ABHD12: variants seen among roughly 807,000 people sequenced by gnomAD.
The protein encoded by ABHD12 is lysophosphatidylserine lipase ABHD12.
In ABHD12, 43 loss-of-function variants were observed where a neutral mutation model predicts 58.3. The ratio of observed to expected loss-of-function variants is 0.74; its 90% CI spans 0.58 to 0.95. ABHD12 has a LOEUF of 0.95. Ranked by LOEUF, ABHD12 falls within the 40% of genes least tolerant of loss-of-function variation. The pLI, the probability that ABHD12 is intolerant of heterozygous loss-of-function variation, is 0.00. For missense variants in ABHD12, 539 were observed against 537.2 expected (o/e 1.00, Z -0.03); for synonymous variants, 219 against 211.2 (o/e 1.04, Z -0.32).
At position 25,302,703 on chromosome 20, in the gene ABHD12, T is replaced by A. The variant is rs189927946; in HGVS notation, c.1030-357A>T. Among the ~76,000 whole-genome samples, 389 of 152,312 alleles carry A rather than the reference T, an allele frequency of 2.6e-3. 10 individuals are homozygous for A. The East Asian group carries it at 0.044, about 17-fold the overall frequency. Reference sequence around the variant, plus strand: ...AAAAGGTATGTGCCTCAGGCTTAGCTAAGATGGGCTTGATGTACCCATCTC... The same window carrying A: ...AAAAGGTATGTGCCTCAGGCTTAGCAAAGATGGGCTTGATGTACCCATCTC... On this transcript the variant is annotated intron_variant, in intron 11 of 12. Coordinates refer to ENST00000339157, the MANE Select transcript of ABHD12 (RefSeq NM_001042472.3).
rs1468289559 is a variant in ABHD12, at chr20:25,388,018, G to A, written c.191+2495C>T. Among the ~76,000 whole-genome samples the A allele has an allele frequency of 9.4e-5, 12 of 127,128 alleles. No homozygotes were observed. The East Asian group carries it at 1.8e-3, about 19-fold the overall frequency. 83.4% of individuals were successfully genotyped at this position (127,128 alleles called of 152,430 possible). A position where few individuals can be genotyped will look rare whatever the true frequency, so the allele number is the denominator to read the frequency against. ...ATTGCCACTGCACTCCAGCCTGGGCGACAAAGCGAGACTCCTTCTCAAAAA... is the reference window on the plus strand; with the variant it reads ...ATTGCCACTGCACTCCAGCCTGGGCAACAAAGCGAGACTCCTTCTCAAAAA... On this transcript the variant is annotated intron_variant, in intron 1 of 12. Coordinates refer to ENST00000339157, the MANE Select transcript of ABHD12 (RefSeq NM_001042472.3).
intron 2 of ABHD12, among the ~76,000 whole-genome samples, chr20:25,335,520 C>A (rs373409239): frequency 1.5e-5 from 2 of 131,564 alleles, no homozygotes; most frequent in Admixed American, 1.6e-4. Context: ...ATGTTTATTG[C>A]GGCATTATTC....
Position 25,339,255 on chromosome 20 carries a change from T to TATTC in ABHD12, c.284_287dup (p.Ile96MetfsTer19), listed in dbSNP as rs1307430368. 4 of 1,614,058 alleles carry TATTC rather than the reference T, an allele frequency of 2.5e-6. No individual in the cohort carries two copies. The Admixed American group carries it at 6.7e-5, about 27-fold the overall frequency. Reference sequence around the variant, plus strand: ...AATTCAAGAAAATCAGTTTGGCCTGTATTCCAGGACATAGTTTGATGAGAA... The same window carrying TATTC: ...AATTCAAGAAAATCAGTTTGGCCTGTATTCATTCCAGGACATAGTTTGATGAGAA... On this transcript the variant is annotated frameshift_variant, in exon 2 of 13. Transcript: ENST00000339157. LOFTEE classifies it high-confidence loss of function.
At chr20:25,298,877 A>T (rs1476986020), downstream of ABHD12, among the ~76,000 whole-genome samples, 1 of 152,088 alleles carries the variant, frequency 6.6e-6, no homozygotes, top group African/African-American at 2.4e-5. Context: ...GGTTGTCCTC[A>T]TCCCCACACC....
At chr20:25,316,977 G>T (rs766348551) in intron 5 of ABHD12, 71 bp downstream of exon 5, 1 of 1,350,318 alleles carries the variant, frequency 7.4e-7, no homozygotes, top group Non-Finnish European at 1.1e-6. Context: ...CTGTGAGTCT[G>T]GTGACTCCCT....
intron 12 of ABHD12, among the ~76,000 whole-genome samples, chr20:25,301,810 G>A (rs2088639989): frequency 6.6e-6 from 1 of 152,268 alleles, no homozygotes; most frequent in Admixed American, 6.5e-5. Context: ...GCAGTCAGGA[G>A]CACCACGTCC....
intron 11 of ABHD12, chr20:25,303,320 A>T: frequency 1.4e-6 from 2 of 1,424,194 alleles, no homozygotes; most frequent in Non-Finnish European, 1.8e-6. Flanking sequence ...AGACAGCATC[A>T]GTGGGCCCCT....
intron 1 of ABHD12, chr20:25,368,404 C>G: frequency 6.3e-7 from 1 of 1,596,018 alleles, no homozygotes; most frequent in African/African-American, 1.3e-5. Flanking sequence ...GCTTGCCATC[C>G]AACCACTCAG....
At position 25,390,564 on chromosome 20, in the gene ABHD12, G is replaced by A; in HGVS notation, c.140C>T (p.Ala47Val). The A allele has an allele frequency of 1.4e-6, 2 of 1,456,998 alleles. No individual in the cohort carries two copies. Among genetic ancestry groups the A allele is most frequent in the Non-Finnish European group, 1.8e-6 (2 of 1,109,406 alleles). The allele number at this position is 1,456,998 out of a possible 1,614,324, so 90.3% of individuals were successfully genotyped here. The change falls in exon 1 of 13, where the codon GCG becomes GTG. Residue 47 changes from alanine (A) to valine (V), a missense_variant. Coordinates refer to ENST00000339157, the MANE Select transcript of ABHD12 (RefSeq NM_001042472.3). ...KQNLRLTGPA[A>V]AEPRCAADAG... Reference sequence around the variant, plus strand: ...GTCGGCTGCGCAGCGCGGCTCAGCCGCCGCCGGGCCCGTCAGGCGTAGGTT... The same window carrying A: ...GTCGGCTGCGCAGCGCGGCTCAGCCACCGCCGGGCCCGTCAGGCGTAGGTT...
intron 2 of ABHD12, among the ~76,000 whole-genome samples, chr20:25,336,856 T>C (rs4815405): frequency 0.55 from 83,590 of 151,546 alleles, 23,609 homozygotes; most frequent in Admixed American, 0.62. Flanking sequence ...AGGAGTGGGG[T>C]GTGGGGGCCA....
chr20:25,333,815 A>G (rs548912397), intron 2 of ABHD12, among the ~76,000 whole-genome samples: 2 of 152,010 alleles, frequency 1.3e-5, no homozygotes, highest in Non-Finnish European at 1.5e-5. Flanking sequence ...TCTCAAAATA[A>G]TAAGAGCTAT....
intron 1 of ABHD12, among the ~76,000 whole-genome samples, chr20:25,354,287 C>G (rs143149596): frequency 6.6e-6 from 1 of 151,988 alleles, no homozygotes; most frequent in East Asian, 1.9e-4. Context: ...ACAGGTGTAG[C>G]GGCAGAAGAC....
intron 1 of ABHD12, among the ~76,000 whole-genome samples, chr20:25,385,934 T>TA (rs982053071): frequency 8.0e-5 from 12 of 150,776 alleles, no homozygotes; most frequent in African/African-American, 2.2e-4. Flanking sequence ...CCGTCTCTAC[T>TA]AAAAAAAATA....
chr20:25,351,984 T>C (rs565369676), intron 1 of ABHD12, among the ~76,000 whole-genome samples: 19 of 152,326 alleles, frequency 1.2e-4, no homozygotes, highest in African/African-American at 4.3e-4. Context: ...CACATTTGAT[T>C]ATTTTTTATT....
intron 1 of ABHD12, among the ~76,000 whole-genome samples, chr20:25,378,279 G>A (rs1480778764): frequency 6.6e-6 from 1 of 152,184 alleles, no homozygotes; most frequent in Non-Finnish European, 1.5e-5. Context: ...TGGTTGCCAA[G>A]CATAAAACAT....
At chr20:25,355,263 C>T (rs2089651854) in intron 1 of ABHD12, among the ~76,000 whole-genome samples, 1 of 152,120 alleles carries the variant, frequency 6.6e-6, no homozygotes, top group African/African-American at 2.4e-5. Flanking sequence ...CACTTCCATT[C>T]CCTGCTGCTG....
At chr20:25,359,439 A>AAC (rs1415922432) in intron 1 of ABHD12, among the ~76,000 whole-genome samples, 3 of 143,406 alleles carry the variant, frequency 2.1e-5, no homozygotes, top group East Asian at 3.9e-4. Context: ...AAAAAAAAAA[A>AAC]AAAAAACATT....
intron 2 of ABHD12, among the ~76,000 whole-genome samples, chr20:25,335,356 G>C (rs1269248138): frequency 6.7e-6 from 1 of 149,774 alleles, no homozygotes; most frequent in Non-Finnish European, 1.5e-5. Context: ...TACACTGTTG[G>C]TGGGACTGTA....
intron 12 of ABHD12, among the ~76,000 whole-genome samples, chr20:25,301,580 T>C (rs1420560780): frequency 2.6e-5 from 4 of 152,220 alleles, no homozygotes; most frequent in Non-Finnish European, 4.4e-5. Context: ...AGCCAGGCAG[T>C]GGGGTGGGGG....
Sources: gnomAD v4.1 joint callset for allele counts (sites outside exome capture counted in the v4.1 genomes callset) on GRCh38, gnomAD v4.1.1 for gene constraint, MANE v1.5 for transcripts, NCBI Gene and HGNC (gene_info 2026-07-23, HGNC 2026-07-21) for gene names.